BEND4: variants seen among roughly 807,000 people sequenced by gnomAD.
BEND4 encodes BEN domain-containing protein 4.
In BEND4, 27 loss-of-function variants were observed where a neutral mutation model predicts 54.7. The observed-to-expected ratio is 0.49, with a 90% CI of 0.36 to 0.68. BEND4 has a LOEUF of 0.68. BEND4 is among the 30% of genes least tolerant of loss of function. The probability of loss-of-function intolerance (pLI) is 0.00; values close to 1 mark genes in which losing one functional copy is unlikely to be tolerated. For synonymous variants in BEND4, 327 were observed against 299.5 expected (o/e 1.09, Z -0.95); for missense variants, 702 against 697.2 (o/e 1.01, Z -0.08).
At chr4:42,144,329 CTAAGGAAT>C (rs1291174715) in intron 2 of BEND4, among the ~76,000 whole-genome samples, 1 of 152,160 alleles carries the variant, frequency 6.6e-6, no homozygotes, top group Non-Finnish European at 1.5e-5. Flanking sequence ...TATCCTTACT[CTAAGGAAT>C]CGAGCCAGCC....
chr4:42,146,311 G>T (rs1721079678), intron 2 of BEND4, among the ~76,000 whole-genome samples: 1 of 152,244 alleles, frequency 6.6e-6, no homozygotes, highest in South Asian at 2.1e-4. Flanking sequence ...TAGGAGTGGA[G>T]AGAGAAAGAC....
intron 5 of BEND4, among the ~76,000 whole-genome samples, chr4:42,119,504 T>C (rs573514228): frequency 6.6e-6 from 1 of 152,282 alleles, no homozygotes; most frequent in East Asian, 1.9e-4. Flanking sequence ...CAGCTATTAA[T>C]ACTGCTGAAG....
rs568728497 is a variant in BEND4 at position 42,137,167 on chromosome 4, G to A, written c.1054+6261C>T. 2.6e-5 allele frequency among the ~76,000 whole-genome samples: 4 copies of A among 152,222 alleles called. No homozygotes were observed. In the East Asian group the frequency reaches 7.7e-4, roughly 29 times the overall value. On this transcript the variant is annotated intron_variant, in intron 3 of 5. Coordinates refer to ENST00000502486, the MANE Select transcript of BEND4 (RefSeq NM_207406.4). ...CTCAACCTCCTTGTCTATAAAATAG[G>A]AATGATATTAATATTTGCTGTGGCC...
chr4:42,111,079 T>C lies in BEND4; in HGVS notation c.*6439A>G, dbSNP rs575251402. 2.0e-5 allele frequency: 3 copies of C among 152,342 alleles called. No individual in the cohort carries two copies. In the South Asian group the frequency reaches 6.2e-4, roughly 32 times the overall value. The allele number at this position is 152,342 out of a possible 1,614,324, so 9.4% of individuals were successfully genotyped here. On this transcript the variant is annotated 3_prime_UTR_variant, in exon 6 of 6. Transcript: ENST00000502486. ...TCTAGTAACAAATGTCTCTTATAATTAAAAATATTGAATGTTTAAAAAACT... is the reference window on the plus strand; with the variant it reads ...TCTAGTAACAAATGTCTCTTATAATCAAAAATATTGAATGTTTAAAAAACT...
chr4:42,149,055 A>G (rs1382634871), intron 2 of BEND4, among the ~76,000 whole-genome samples: 1 of 152,194 alleles, frequency 6.6e-6, no homozygotes, highest in East Asian at 1.9e-4. Context: ...TTTACTCTGG[A>G]CACTCAGTTA....
At chr4:42,149,966 G>T (rs1721206065) in intron 2 of BEND4, among the ~76,000 whole-genome samples, 1 of 152,156 alleles carries the variant, frequency 6.6e-6, no homozygotes, top group Admixed American at 6.5e-5. Flanking sequence ...GGAGATCAAA[G>T]ACTGACCTGG....
chr4:42,146,944 G>T (rs1036875725), intron 2 of BEND4, among the ~76,000 whole-genome samples: 1 of 152,150 alleles, frequency 6.6e-6, no homozygotes, highest in African/African-American at 2.4e-5. Flanking sequence ...ATCTGACTTA[G>T]GGACAAGCGT....
At position 42,111,266 on chromosome 4, in the gene BEND4, C is replaced by T. The variant is rs1025279089; in HGVS notation, c.*6252G>A. On this transcript the variant is annotated 3_prime_UTR_variant, in exon 6 of 6. Coordinates refer to ENST00000502486, the MANE Select transcript of BEND4 (RefSeq NM_207406.4). Reference sequence around the variant, plus strand: ...TAGTGGGTATTAACTCTACACAGTACAATCAAATAGAAATTATTCATAGAG... The same window carrying T: ...TAGTGGGTATTAACTCTACACAGTATAATCAAATAGAAATTATTCATAGAG... 1 of 152,150 alleles carries T rather than the reference C, an allele frequency of 6.6e-6. No individual in the cohort carries two copies. Among genetic ancestry groups the T allele is most frequent in the African/African-American group, 2.4e-5 (1 of 41,424 alleles). 9.4% of individuals were successfully genotyped at this position (152,150 alleles called of 1,614,324 possible).
Position 42,151,865 on chromosome 4 carries a change from G to A in BEND4, c.279C>T (p.Ala93=). 7.6e-6 allele frequency: 10 copies of A among 1,313,246 alleles called. No homozygotes were observed. The highest frequency in any genetic ancestry group is 9.6e-6 in the Non-Finnish European group (10 of 1,040,708). The allele number at this position is 1,313,246 out of a possible 1,614,324, so 81.3% of individuals were successfully genotyped here. Residue 93 remains alanine (A), a synonymous_variant, in exon 2 of 6, where the codon GCC becomes GCT. Coordinates refer to ENST00000502486, the MANE Select transcript of BEND4 (RefSeq NM_207406.4). The part of the protein sequence containing the change: ...QSSYPPGPGR[A]AAAASSSSPS... Reference sequence around the variant, plus strand: ...GCGACGACGACGAAGCGGCGGCGGCGGCCCGGCCGGGCCCGGGGGGGTAGG... The same window carrying A: ...GCGACGACGACGAAGCGGCGGCGGCAGCCCGGCCGGGCCCGGGGGGGTAGG...
At chr4:42,144,153 G>A (rs1047020793) in intron 2 of BEND4, 159 bp from the exon 3 acceptor site, 2 of 674,204 alleles carry the variant, frequency 3.0e-6, no homozygotes, top group Admixed American at 2.4e-5. Flanking sequence ...TGAATAGAAC[G>A]CATAGCTTCC....
intron 3 of BEND4, among the ~76,000 whole-genome samples, chr4:42,135,352 T>C (rs1720662002): frequency 1.3e-5 from 2 of 152,252 alleles, no homozygotes; most frequent in Admixed American, 6.5e-5. Context: ...AAACAACTTA[T>C]GATTTCTGGA....
intron 3 of BEND4, among the ~76,000 whole-genome samples, chr4:42,126,602 G>A (rs1335609767): frequency 6.6e-6 from 1 of 152,202 alleles, no homozygotes; most frequent in African/African-American, 2.4e-5. Flanking sequence ...AAAGTGAATA[G>A]ATACCAACCT....
rs1043329007 is a variant in BEND4, at chr4:42,151,719, G to A, written c.425C>T (p.Ala142Val). 2 of 1,503,098 alleles carry A rather than the reference G, an allele frequency of 1.3e-6. No homozygotes were observed. Among genetic ancestry groups the A allele is most frequent in the East Asian group, 2.8e-5 (1 of 35,738 alleles). 93.1% of individuals were successfully genotyped at this position (1,503,098 alleles called of 1,614,324 possible). Residue 142 changes from alanine (A) to valine (V), a missense_variant, in exon 2 of 6, where the codon GCG (alanine) becomes GTG (valine). Coordinates refer to ENST00000502486, the MANE Select transcript of BEND4 (RefSeq NM_207406.4). ...GCCGCCGGTGCCGGCGGCCGCCGCC[G>A]CGCCTGGGCCATACCTGACGACAGC... Reference protein sequence around the residue: ...FAAVVRYGPGAAAAAGTGGTG... With the variant: ...FAAVVRYGPGVAAAAGTGGTG...
rs1019593428 is a variant in BEND4, at chr4:42,114,056, T to C, written c.*3462A>G. 2 of 152,198 alleles carry C rather than the reference T, an allele frequency of 1.3e-5. No individual in the cohort carries two copies. The highest frequency in any genetic ancestry group is 2.9e-5 in the Non-Finnish European group (2 of 68,022). The allele number at this position is 152,198 out of a possible 1,614,324, so 9.4% of individuals were successfully genotyped here. ...TTCAAGTAAAATGAGAAAGTACTTG[T>C]AAAATTGAAATGGTTACAGTTTTTC... On this transcript the variant is annotated 3_prime_UTR_variant, in exon 6 of 6. Coordinates refer to ENST00000502486, the MANE Select transcript of BEND4 (RefSeq NM_207406.4).
chr4:42,122,748 T>A (rs1402587127), intron 4 of BEND4, among the ~76,000 whole-genome samples: 1 of 152,230 alleles, frequency 6.6e-6, no homozygotes, highest in Non-Finnish European at 1.5e-5. Context: ...TAACACCATA[T>A]AATTTTTAAA....
chr4:42,138,294 C>T (rs1017002647), intron 3 of BEND4, among the ~76,000 whole-genome samples: 4 of 152,008 alleles, frequency 2.6e-5, no homozygotes, highest in African/African-American at 7.3e-5. Flanking sequence ...TGGGTGAGTC[C>T]GAAGGCCATT....
At chr4:42,123,694 G>GGAA (rs1553921967) in intron 4 of BEND4, among the ~76,000 whole-genome samples, 7 of 50,802 alleles carry the variant, frequency 1.4e-4, no homozygotes, top group African/African-American at 4.5e-4. Context: ...CTGTAATTCA[G>GGAA]AAAAAAAAAA....
At chr4:42,119,082 G>C (rs1254697081) in intron 5 of BEND4, among the ~76,000 whole-genome samples, 2 of 152,128 alleles carry the variant, frequency 1.3e-5, no homozygotes, top group Non-Finnish European at 2.9e-5. Flanking sequence ...GGGAATCTCA[G>C]CTGCTAACAA....
intron 3 of BEND4, among the ~76,000 whole-genome samples, chr4:42,135,975 G>A (rs1720683635): frequency 6.6e-6 from 1 of 152,158 alleles, no homozygotes; most frequent in African/African-American, 2.4e-5. Flanking sequence ...GTCTCCCTCA[G>A]TGTCACTGAT....
Sources: gnomAD v4.1 joint callset for allele counts (sites outside exome capture counted in the v4.1 genomes callset) on GRCh38, gnomAD v4.1.1 for gene constraint, MANE v1.5 for transcripts, NCBI Gene and HGNC (gene_info 2026-07-23, HGNC 2026-07-21) for gene names.